EEIG1: variants seen among roughly 807,000 people sequenced by gnomAD.
EEIG1 encodes the protein early estrogen-induced gene 1 protein.
At chr9:127,980,133 G>A in the EEIG1 span, 2 of 1,611,874 alleles carry the variant, frequency 1.2e-6, no homozygotes, top group Non-Finnish European at 1.7e-6. Context: ...CATCAAGAAA[G>A]CCATGAGCGA....
chr9:127,973,079 C>T, the EEIG1 span, among the ~76,000 whole-genome samples: 3 of 152,124 alleles, frequency 2.0e-5, no homozygotes, highest in South Asian at 2.1e-4. This position sits in a 1 kb window ranked among gnomAD's most constrained non-coding sequence, Gnocchi z 4.2. Context: ...TGGTGTCTCT[C>T]CCCTGCTTAA....
At chr9:127,949,422 A>T in the EEIG1 span, among the ~76,000 whole-genome samples, 2 of 152,036 alleles carry the variant, frequency 1.3e-5, no homozygotes, top group African/African-American at 4.8e-5. Flanking sequence ...TGATGAGGGA[A>T]CCAAGACTCA....
At chr9:127,949,801 C>T in the EEIG1 span, among the ~76,000 whole-genome samples, 1 of 152,210 alleles carries the variant, frequency 6.6e-6, no homozygotes, top group East Asian at 1.9e-4. Flanking sequence ...GAGAGGTGTG[C>T]TGGTGACGGA....
the EEIG1 span, chr9:127,980,215 C>G: frequency 1.4e-6 from 2 of 1,452,890 alleles, no homozygotes; most frequent in East Asian, 4.7e-5. Flanking sequence ...TACACCACAC[C>G]CCCTCCTCAA....
the EEIG1 span, chr9:127,943,257 C>T: frequency 6.2e-7 from 1 of 1,613,782 alleles, no homozygotes; most frequent in African/African-American, 1.3e-5. Flanking sequence ...AGAGACAGGT[C>T]AGCATGTCCC....
the EEIG1 span, chr9:127,979,998 G>T: frequency 6.2e-7 from 1 of 1,612,418 alleles, no homozygotes; most frequent in Non-Finnish European, 8.5e-7. Flanking sequence ...CTACCTTGAC[G>T]ACAAGCTGAC....
At chr9:127,947,070 G>A in the EEIG1 span, among the ~76,000 whole-genome samples, 1 of 152,176 alleles carries the variant, frequency 6.6e-6, no homozygotes, top group Non-Finnish European at 1.5e-5. Flanking sequence ...GTTGGGGCTC[G>A]TTCACATTTT....
chr9:127,966,194 C>T, the EEIG1 span, among the ~76,000 whole-genome samples: 2 of 152,148 alleles, frequency 1.3e-5, no homozygotes, highest in African/African-American at 2.4e-5. Context: ...GAAGCCAGGT[C>T]ATCCAGGCTT....
At chr9:127,970,483 T>C in the EEIG1 span, among the ~76,000 whole-genome samples, 5 of 152,334 alleles carry the variant, frequency 3.3e-5, no homozygotes, top group East Asian at 9.6e-4. Context: ...TGCTTCCTGC[T>C]GTGAGTGGCA....
chr9:127,942,915 A>G, the EEIG1 span: 4 of 498,872 alleles, frequency 8.0e-6, no homozygotes, highest in African/African-American at 7.8e-5. Context: ...TCTTGCCCAC[A>G]AGCTGCACGG....
chr9:127,969,749 A>G, the EEIG1 span, among the ~76,000 whole-genome samples: 2 of 152,190 alleles, frequency 1.3e-5, no homozygotes, highest in Non-Finnish European at 2.9e-5. Context: ...TTACTGCCTC[A>G]TAAACAAGAC....
chr9:127,951,175 G>A, the EEIG1 span, among the ~76,000 whole-genome samples: 94 of 152,284 alleles, frequency 6.2e-4, no homozygotes, highest in African/African-American at 2.1e-3. Flanking sequence ...GGCCAAGTCT[G>A]CTAGACCTGG....
chr9:127,976,001 G>A, the EEIG1 span, among the ~76,000 whole-genome samples: 1 of 152,318 alleles, frequency 6.6e-6, no homozygotes, highest in East Asian at 1.9e-4. The surrounding 1 kb of genome is among the most constrained non-coding windows in gnomAD (Gnocchi z 4.1). Context: ...ATCCACAGCA[G>A]TGACTTCAGC....
At chr9:127,953,013 A>C in the EEIG1 span, among the ~76,000 whole-genome samples, 2 of 152,174 alleles carry the variant, frequency 1.3e-5, no homozygotes, top group Non-Finnish European at 2.9e-5. Flanking sequence ...CACCATGCCC[A>C]GCCGTACTCG....
the EEIG1 span, among the ~76,000 whole-genome samples, chr9:127,977,275 A>G: frequency 6.6e-6 from 1 of 152,222 alleles, no homozygotes; most frequent in African/African-American, 2.4e-5. Flanking sequence ...AGCTGGATTC[A>G]GGCAATTTAA....
At chr9:127,951,554 G>A in the EEIG1 span, among the ~76,000 whole-genome samples, 1 of 152,062 alleles carries the variant, frequency 6.6e-6, no homozygotes, top group Non-Finnish European at 1.5e-5. Flanking sequence ...GCGGTGGCAC[G>A]CCTGTAATCC....
the EEIG1 span, among the ~76,000 whole-genome samples, chr9:127,970,767 C>A: frequency 6.6e-6 from 1 of 152,200 alleles, no homozygotes; most frequent in East Asian, 1.9e-4. Context: ...CCCAGGCCAG[C>A]CAGCCCCTCT....
At chr9:127,966,934 G>A in the EEIG1 span, among the ~76,000 whole-genome samples, 2 of 152,196 alleles carry the variant, frequency 1.3e-5, no homozygotes, top group Non-Finnish European at 2.9e-5. Context: ...TGATCTTGCA[G>A]AACCCCTGGG....
At chr9:127,945,785 G>A in the EEIG1 span, 1 of 1,419,840 alleles carries the variant, frequency 7.0e-7, no homozygotes, top group Non-Finnish European at 9.7e-7. This position sits in a 1 kb window ranked among gnomAD's most constrained non-coding sequence, Gnocchi z 6.5. Flanking sequence ...GGGGTGAGGT[G>A]ACAGGGGTCA....
Sources: gnomAD v4.1 joint callset for allele counts (sites outside exome capture counted in the v4.1 genomes callset) on GRCh38, gnomAD v4.1.1 for gene constraint, Gnocchi (gnomAD v3.1) non-coding constraint, MANE v1.5 for transcripts, NCBI Gene and HGNC (gene_info 2026-07-23, HGNC 2026-07-21) for gene names.